KIAA1671: variants seen among roughly 807,000 people sequenced by gnomAD.
KIAA1671 encodes KIAA1671, also known as uncharacterized protein KIAA1671.
KIAA1671 carries 52 observed loss-of-function variants against 131.2 expected under a neutral mutation model. The ratio of observed to expected loss-of-function variants is 0.40; its 90% CI spans 0.32 to 0.50. The LOEUF (loss-of-function observed/expected upper bound fraction) is 0.50. KIAA1671 is among the 20% of genes least tolerant of loss of function. The pLI is 0.73. For synonymous variants in KIAA1671, 1,003 were observed against 961.6 expected, an observed-to-expected ratio of 1.04 and a Z score of -0.80; for missense variants, 2,360 against 2,364.2, an observed-to-expected ratio of 1.00 and a Z score of 0.04.
chr22:25,170,840 C>T lies in KIAA1671; in HGVS notation c.4551C>T (p.Phe1517=). ...GPFVDQLKQC[F]SRQPTEPKDT... is the part of the protein sequence containing the mutation. ...TGCAGGACCAGCTGAAGCAGTGTTTCTCCCGGCAGCCCACTGAACCCAAGG... is the reference window on the plus strand; with the variant it reads ...TGCAGGACCAGCTGAAGCAGTGTTTTTCCCGGCAGCCCACTGAACCCAAGG... Residue 1517 remains phenylalanine (F), a synonymous_variant, in exon 7 of 13, where the codon TTC becomes TTT. Coordinates refer to ENST00000358431, the MANE Select transcript of KIAA1671 (RefSeq NM_001145206.2). The T allele has an allele frequency of 6.4e-7, 1 of 1,551,698 alleles. No homozygotes were observed. The highest frequency in any genetic ancestry group is 8.7e-7 in the Non-Finnish European group (1 of 1,147,002).
At chr22:25,164,697 C>T (rs1933578922) in intron 6 of KIAA1671, among the ~76,000 whole-genome samples, 1 of 152,096 alleles carries the variant, frequency 6.6e-6, no homozygotes, top group African/African-American at 2.4e-5. Flanking sequence ...TGCCTGTAAT[C>T]CCAGCACTTT....
At chr22:25,190,657 C>T in intron 11 of KIAA1671, 45 bp from the exon 12 acceptor site, 1 of 1,493,370 alleles carries the variant, frequency 6.7e-7, no homozygotes, top group East Asian at 2.5e-5. Context: ...GCAAGGAGCC[C>T]ACAGTCTGGT....
chr22:25,005,968 G>A (rs1017512820), intron 1 of KIAA1671, among the ~76,000 whole-genome samples: 6 of 152,178 alleles, frequency 3.9e-5, no homozygotes, highest in Non-Finnish European at 5.9e-5. Flanking sequence ...AGCATCGTGT[G>A]CCTGTGGAGT....
At chr22:25,151,320 TAATA>T (rs72178842) in intron 6 of KIAA1671, among the ~76,000 whole-genome samples, 4,353 of 148,544 alleles carry the variant, frequency 0.029, 185 homozygotes, top group African/African-American at 0.1. Flanking sequence ...TATGCATATA[TAATA>T]AATATATAAA....
chr22:25,117,636 C>CACAG (rs1491355386), intron 6 of KIAA1671, among the ~76,000 whole-genome samples: 27 of 144,534 alleles, frequency 1.9e-4, no homozygotes, highest in Admixed American at 1.2e-3. Flanking sequence ...CACACACACA[C>CACAG]AGACACACTG....
At chr22:24,956,568 A>AAGGG (rs929242935) in intron 1 of KIAA1671, among the ~76,000 whole-genome samples, 3 of 152,136 alleles carry the variant, frequency 2.0e-5, no homozygotes, top group African/African-American at 7.2e-5. Flanking sequence ...AGGCAGATAG[A>AAGGG]AGGGAGGGAG....
At chr22:25,138,002 G>C (rs543438868) in intron 6 of KIAA1671, among the ~76,000 whole-genome samples, 1 of 152,352 alleles carries the variant, frequency 6.6e-6, no homozygotes, top group Non-Finnish European at 1.5e-5. Context: ...TAGATTCTCA[G>C]TGTACAATGA....
chr22:25,193,098 C>T lies in KIAA1671; in HGVS notation c.*697C>T, dbSNP rs1167509921. 6.6e-6 allele frequency: 1 copy of T among 152,094 alleles called. No homozygotes were observed. Among genetic ancestry groups the T allele is most frequent in the Non-Finnish European group, 1.5e-5 (1 of 68,020 alleles). The allele number at this position is 152,094 out of a possible 1,614,324, so 9.4% of individuals were successfully genotyped here. A position where few individuals can be genotyped will look rare whatever the true frequency, so the allele number is the denominator to read the frequency against. On this transcript the variant is annotated 3_prime_UTR_variant, in exon 13 of 13. Coordinates refer to ENST00000358431, the MANE Select transcript of KIAA1671 (RefSeq NM_001145206.2). ...AGAAGGCGATAAAGCAATAATTCAG[C>T]TAATTTTCTTTGAAACTTGATAGGT... is the stretch of plus-strand genomic sequence containing the variant.
At chr22:25,182,047 C>A (rs1201764068) in intron 10 of KIAA1671, among the ~76,000 whole-genome samples, 1 of 152,062 alleles carries the variant, frequency 6.6e-6, no homozygotes, top group South Asian at 2.1e-4. Context: ...GGCGTGGTGG[C>A]GGGCGCCTGT....
rs148613638 is a variant in KIAA1671 at position 25,117,410 on chromosome 22, G to A, written c.4531-53410G>A. ...GTGGGGACTCCATCCAGCATGTGTC[G>A]GCCTTGCTGGGAGCATGACCACACC... is the stretch of plus-strand genomic sequence containing the variant. On this transcript the variant is annotated intron_variant, in intron 6 of 12. Coordinates refer to ENST00000358431, the MANE Select transcript of KIAA1671 (RefSeq NM_001145206.2). Among the ~76,000 whole-genome samples, 492 of 152,144 alleles carry A rather than the reference G, an allele frequency of 3.2e-3. 2 individuals are homozygous for A. Among genetic ancestry groups the A allele is most frequent in the African/African-American group, 0.011 (473 of 41,492 alleles).
At chr22:25,093,682 GACACACACAC>G (rs67802603) in intron 6 of KIAA1671, among the ~76,000 whole-genome samples, 2,570 of 49,732 alleles carry the variant, frequency 0.052, 144 homozygotes, top group Middle Eastern at 0.11. Flanking sequence ...CCTGCCCCCC[GACACACACAC>G]ACACACACAC....
intron 1 of KIAA1671, among the ~76,000 whole-genome samples, chr22:24,953,799 G>T (rs913891724): frequency 2.0e-5 from 3 of 152,208 alleles, no homozygotes; most frequent in Non-Finnish European, 4.4e-5. Context: ...AGGGCTTCCT[G>T]CCTGCCGGGA....
chr22:24,998,065 G>C (rs991726816), intron 1 of KIAA1671, among the ~76,000 whole-genome samples: 3 of 152,080 alleles, frequency 2.0e-5, no homozygotes, highest in Admixed American at 2.0e-4. Flanking sequence ...TTATAATGGG[G>C]ATACGTCCTG....
chr22:25,136,170 G>A (rs991395045), intron 6 of KIAA1671, among the ~76,000 whole-genome samples: 2 of 152,204 alleles, frequency 1.3e-5, no homozygotes, highest in African/African-American at 4.8e-5. Context: ...GGGAGCTCAT[G>A]TTCCTTAGGT....
chr22:25,082,911 T>C (rs1176026498), intron 6 of KIAA1671, among the ~76,000 whole-genome samples: 1 of 152,194 alleles, frequency 6.6e-6, no homozygotes, highest in Admixed American at 6.5e-5. Context: ...TGCAGGTGTT[T>C]CATATTGTTT....
intron 1 of KIAA1671, among the ~76,000 whole-genome samples, chr22:25,001,558 T>C (rs1367439276): frequency 6.6e-6 from 1 of 152,060 alleles, no homozygotes; most frequent in Non-Finnish European, 1.5e-5. Flanking sequence ...TGGTCTGGAC[T>C]GGGGTGGGGG....
chr22:25,042,537 G>A (rs1449144267), intron 5 of KIAA1671, among the ~76,000 whole-genome samples: 1 of 143,988 alleles, frequency 6.9e-6, no homozygotes, highest in Non-Finnish European at 1.5e-5. Context: ...TGTGATCTTG[G>A]CTCACTGCAA....
At chr22:25,078,669 C>T (rs113113952) in intron 6 of KIAA1671, among the ~76,000 whole-genome samples, 2,283 of 152,316 alleles carry the variant, frequency 0.015, 28 homozygotes, top group Middle Eastern at 0.051. Context: ...TTACTGTTAC[C>T]AGCTTCTGAA....
At chr22:25,037,021 T>G (rs1055811944) in intron 4 of KIAA1671, among the ~76,000 whole-genome samples, 1 of 152,190 alleles carries the variant, frequency 6.6e-6, no homozygotes, top group Admixed American at 6.5e-5. Flanking sequence ...ATGTAAAATT[T>G]ACGTATTAAA....
Sources: allele counts gnomAD v4.1 joint callset (sites outside exome capture counted in the v4.1 genomes callset), GRCh38; gene constraint gnomAD v4.1.1; transcripts MANE v1.5; gene names NCBI Gene and HGNC (gene_info 2026-07-23, HGNC 2026-07-21).